The following FAM78B variants were observed in gnomAD, a reference collection of about 807,000 sequenced individuals.
FAM78B encodes the protein family with sequence similarity 78 member B.
FAM78B carries 10 observed loss-of-function variants against 20.0 expected under a neutral mutation model. The observed-to-expected ratio is 0.50, with a 90% CI of 0.31 to 0.85. The LOEUF (loss-of-function observed/expected upper bound fraction) is 0.85, where lower values mean the gene tolerates loss of function less well. Ranked by LOEUF, FAM78B falls within the 40% of genes least tolerant of loss-of-function variation. The probability of loss-of-function intolerance (pLI) is 0.05; values close to 1 mark genes in which losing one functional copy is unlikely to be tolerated. For synonymous variants in FAM78B, 135 were observed against 132.8 expected (o/e 1.02, Z -0.12); for missense variants, 283 against 345.0 (o/e 0.82, Z 1.42).
intron 1 of FAM78B, among the ~76,000 whole-genome samples, chr1:166,107,190 C>T (rs1293942237): frequency 6.6e-6 from 1 of 151,906 alleles, no homozygotes; most frequent in Non-Finnish European, 1.5e-5. Context: ...ACAAAAAATA[C>T]AATAGATAAA....
At chr1:166,161,040 G>C (rs910260783) in intron 1 of FAM78B, among the ~76,000 whole-genome samples, 1 of 152,218 alleles carries the variant, frequency 6.6e-6, no homozygotes, top group African/African-American at 2.4e-5. Context: ...CATTTCAGAT[G>C]GAGAGCGGCA....
chr1:166,120,218 G>C (rs1055829646), intron 1 of FAM78B, among the ~76,000 whole-genome samples: 1 of 152,188 alleles, frequency 6.6e-6, no homozygotes, highest in Non-Finnish European at 1.5e-5. Context: ...CATAAGGTCA[G>C]CATTATTTTC....
At chr1:166,153,010 A>G (rs114908373) in intron 1 of FAM78B, among the ~76,000 whole-genome samples, 3,603 of 152,284 alleles carry the variant, frequency 0.024, 158 homozygotes, top group African/African-American at 0.083. Flanking sequence ...TCCTCACCAG[A>G]CATCCAGAAC....
Position 166,149,153 on chromosome 1 carries a change from T to C in FAM78B, c.263+16833A>G, listed in dbSNP as rs182017774. Among the ~76,000 whole-genome samples, 432 of 152,356 alleles carry C rather than the reference T, an allele frequency of 2.8e-3. 3 individuals carry two copies. Among genetic ancestry groups the C allele is most frequent in the African/African-American group, 9.9e-3 (413 of 41,578 alleles). On this transcript the variant is annotated intron_variant, in intron 1 of 1. Transcript: ENST00000354422. ...AGCATGATTTATAGTCCTTTGGGTA[T>C]ATACCCAGTAATGGGATGGCTGGGT...
At chr1:166,137,117 G>A (rs867054281) in intron 1 of FAM78B, among the ~76,000 whole-genome samples, 3 of 152,182 alleles carry the variant, frequency 2.0e-5, no homozygotes, top group Admixed American at 6.5e-5. Context: ...TGGAAGGGAG[G>A]AGACCAGTTT....
At chr1:166,056,861 T>G (rs1469249562), downstream of FAM78B, among the ~76,000 whole-genome samples, 2 of 152,182 alleles carry the variant, frequency 1.3e-5, no homozygotes, top group Non-Finnish European at 2.9e-5. Flanking sequence ...CAAATTCATG[T>G]TGAAATCCTA....
At chr1:166,127,520 C>T (rs556947172) in intron 1 of FAM78B, among the ~76,000 whole-genome samples, 2 of 152,328 alleles carry the variant, frequency 1.3e-5, no homozygotes, top group South Asian at 4.1e-4. Flanking sequence ...AGTCCCTTTT[C>T]TACCAACTGG....
At chr1:166,134,044 C>T (rs1246537972) in intron 1 of FAM78B, among the ~76,000 whole-genome samples, 1 of 152,178 alleles carries the variant, frequency 6.6e-6, no homozygotes, top group Non-Finnish European at 1.5e-5. Context: ...TCCCCACTAC[C>T]TCCCTCCTCA....
intron 1 of FAM78B, among the ~76,000 whole-genome samples, chr1:166,114,311 T>C (rs1404272702): frequency 2.0e-5 from 3 of 152,202 alleles, no homozygotes; most frequent in Non-Finnish European, 4.4e-5. Context: ...CCCTGGGTCA[T>C]AGTTATTAAA....
chr1:166,125,617 T>C (rs1571185849), intron 1 of FAM78B, among the ~76,000 whole-genome samples: 4 of 152,278 alleles, frequency 2.6e-5, no homozygotes, highest in Non-Finnish European at 4.4e-5. Context: ...ATTGGTTTTA[T>C]GACCAATTCA....
intron 1 of FAM78B, among the ~76,000 whole-genome samples, chr1:166,140,192 A>G (rs577565119): frequency 1.3e-5 from 2 of 152,336 alleles, no homozygotes; most frequent in South Asian, 4.2e-4. Flanking sequence ...CAAGGCTTCA[A>G]ATGTGCAGGC....
chr1:166,084,237 A>ACACACACACACACTCTCTCT (rs771421402), intron 1 of FAM78B, among the ~76,000 whole-genome samples: 19 of 125,472 alleles, frequency 1.5e-4, no homozygotes, highest in South Asian at 7.8e-4. Context: ...ACACACACAC[A>ACACACACACACACTCTCTCT]CTCTCTCTCT....
chr1:166,119,731 G>A lies in FAM78B; in HGVS notation c.263+46255C>T, dbSNP rs116702147. The stretch of plus-strand genomic sequence containing the variant: ...GAATATTCATCCAAGAGATTAAAGC[G>A]CATCAGCAGTTCTAACATAAGTGGT... On this transcript the variant is annotated intron_variant, in intron 1 of 1. Coordinates refer to ENST00000354422, the MANE Select transcript of FAM78B (RefSeq NM_001017961.5). Among the ~76,000 whole-genome samples the A allele has an allele frequency of 8.1e-3, 1,229 of 152,252 alleles. 16 individuals are homozygous for A. The highest frequency in any genetic ancestry group is 0.013 in the Non-Finnish European group (878 of 68,024).
intron 1 of FAM78B, among the ~76,000 whole-genome samples, chr1:166,114,193 G>A (rs781115403): frequency 6.6e-5 from 10 of 152,150 alleles, no homozygotes; most frequent in Non-Finnish European, 1.3e-4. Flanking sequence ...GAATTTTTGA[G>A]GTGCTAACAC....
At chr1:166,094,016 T>TGTGTGTGTGTGTGTGTGTGTGTGTGG (rs1653178169) in intron 1 of FAM78B, among the ~76,000 whole-genome samples, 1 of 144,670 alleles carries the variant, frequency 6.9e-6, no homozygotes, top group Non-Finnish European at 1.5e-5. Context: ...TGTGTGTGTG[T>TGTGTGTGTGTGTGTGTGTGTGTGTGG]GTGTGTGTGT....
intron 1 of FAM78B, among the ~76,000 whole-genome samples, chr1:166,118,896 T>C (rs927129868): frequency 6.6e-6 from 1 of 152,156 alleles, no homozygotes; most frequent in East Asian, 1.9e-4. Context: ...CCTCTGCTGA[T>C]GTGCACCTCT....
chr1:166,113,490 A>G (rs1654138502), intron 1 of FAM78B, among the ~76,000 whole-genome samples: 1 of 152,220 alleles, frequency 6.6e-6, no homozygotes, highest in Non-Finnish European at 1.5e-5. Context: ...GCATACAACT[A>G]AATTTATTTT....
rs1021126204 is a variant in FAM78B, at chr1:166,070,143, CTTTGGCTCAGAAACTCTG to C, written c.*80_*97del. On this transcript the variant is annotated 3_prime_UTR_variant, in exon 2 of 2. Transcript: ENST00000354422. ...AAAGGCTGGCAAACCGAGAGGTCTG[CTTTGGCTCAGAAACTCTG>C]TTTGGCTCCTGCCACCCCTGGCACC... is the stretch of plus-strand genomic sequence containing the variant. The C allele has an allele frequency of 1.5e-5, 22 of 1,428,168 alleles. No individual in the cohort carries two copies. The highest frequency in any genetic ancestry group is 1.8e-5 in the Non-Finnish European group (20 of 1,086,098). The allele number at this position is 1,428,168 out of a possible 1,614,324, so 88.5% of individuals were successfully genotyped here.
At chr1:166,131,870 C>T (rs964174198) in intron 1 of FAM78B, among the ~76,000 whole-genome samples, 1 of 152,194 alleles carries the variant, frequency 6.6e-6, no homozygotes, top group African/African-American at 2.4e-5. Context: ...AAATCCTGCC[C>T]TCACATGGCA....
Sources: allele counts gnomAD v4.1 joint callset (sites outside exome capture counted in the v4.1 genomes callset), GRCh38; gene constraint gnomAD v4.1.1; transcripts MANE v1.5; gene names NCBI Gene and HGNC (gene_info 2026-07-23, HGNC 2026-07-21).